The following NCOA7 variants were observed in gnomAD, a reference collection of about 807,000 sequenced individuals.
The protein encoded by NCOA7 is nuclear receptor coactivator 7.
In NCOA7, 45 loss-of-function variants were observed where a neutral mutation model predicts 104.3. The ratio of observed to expected loss-of-function variants is 0.43; its 90% CI spans 0.34 to 0.55. The LOEUF (loss-of-function observed/expected upper bound fraction) is 0.55. Ranked by LOEUF, NCOA7 falls within the 20% of genes least tolerant of loss-of-function variation. NCOA7 has a pLI of 0.02. For missense variants in NCOA7, 1,041 were observed against 1,119.7 expected (o/e 0.93, Z 1.00); for synonymous variants, 398 against 402.3 (o/e 0.99, Z 0.13).
chr6:125,925,703 T>G lies in NCOA7; in HGVS notation c.2524-1960T>G, dbSNP rs370793912. Among the ~76,000 whole-genome samples, 10 of 152,316 alleles carry G rather than the reference T, an allele frequency of 6.6e-5. No homozygotes were observed. The East Asian group carries it at 1.4e-3, about 21-fold the overall frequency. The stretch of plus-strand genomic sequence containing the variant: ...ATAATTTTATGTCTGCTAAGGAAGT[T>G]GAGAGAAGAAGAGCAAATGTACATT... On this transcript the variant is annotated intron_variant, in intron 13 of 15. Coordinates refer to ENST00000392477, the MANE Select transcript of NCOA7 (RefSeq NM_181782.5).
chr6:125,910,595 G>T (rs943617426), intron 10 of NCOA7, among the ~76,000 whole-genome samples: 16 of 152,232 alleles, frequency 1.1e-4, no homozygotes, highest in Admixed American at 1.0e-3. Context: ...AAGAGAGAGA[G>T]ATAGCTGGTG....
intron 1 of NCOA7, among the ~76,000 whole-genome samples, chr6:125,793,408 A>G (rs1314123849): frequency 6.6e-6 from 1 of 152,190 alleles, no homozygotes; most frequent in Non-Finnish European, 1.5e-5. Flanking sequence ...TGCTCAGTTT[A>G]ACTGCTATTA....
intron 10 of NCOA7, among the ~76,000 whole-genome samples, chr6:125,909,050 T>A (rs1328445144): frequency 6.6e-5 from 10 of 152,312 alleles, no homozygotes; most frequent in Admixed American, 5.2e-4. Context: ...TTTCCCAAAG[T>A]AGAGTAAAAT....
chr6:125,849,942 A>G (rs1246657083), intron 2 of NCOA7, among the ~76,000 whole-genome samples: 2 of 152,212 alleles, frequency 1.3e-5, no homozygotes, highest in Non-Finnish European at 2.9e-5. Flanking sequence ...TGAGGTCATG[A>G]AAAATGCTTA....
intron 2 of NCOA7, among the ~76,000 whole-genome samples, chr6:125,819,863 G>C (rs1778004009): frequency 6.6e-6 from 1 of 152,154 alleles, no homozygotes; most frequent in Admixed American, 6.5e-5. Flanking sequence ...TATGCCATTG[G>C]TTGAAGATTC....
At chr6:125,919,389 G>C (rs779492926) in intron 11 of NCOA7, 6 of 1,612,686 alleles carry the variant, frequency 3.7e-6, no homozygotes, top group Non-Finnish European at 5.1e-6. Flanking sequence ...TGGACATCCA[G>C]ATTTTCTATT....
Position 125,889,103 on chromosome 6 carries a change from C to T in NCOA7, c.1049C>T (p.Pro350Leu). Reference protein sequence around the residue: ...IMTSDSRPIVPLEKSTGHTPT... With the variant: ...IMTSDSRPIVLLEKSTGHTPT... ...ACTTCGGATTCCAGACCAATAGTAC[C>T]TTTGGAGAAGTCCACAGGACATACA... is the stretch of plus-strand genomic sequence containing the variant. Residue 350 changes from proline (P) to leucine (L), a missense_variant, in exon 9 of 16, where the codon CCT becomes CTT. Physicochemically the swap from Pro to Leu is moderately conservative, Grantham distance 98. Transcript: ENST00000392477. 6.2e-7 allele frequency: 1 copy of T among 1,614,064 alleles called. No individual in the cohort carries two copies. The highest frequency in any genetic ancestry group is 8.5e-7 in the Non-Finnish European group (1 of 1,179,976).
At chr6:125,915,203 T>TG in intron 10 of NCOA7, 130 bp from the exon 11 acceptor site, 7 of 1,138,970 alleles carry the variant, frequency 6.1e-6, no homozygotes, top group Non-Finnish European at 8.7e-6. Flanking sequence ...ACCTTGATAA[T>TG]GGGAAATTTT....
In NCOA7 at chr6:125,910,585, AAGAG is replaced by A. The variant is rs572673804; in HGVS notation, c.2097-4740_2097-4737del. Among the ~76,000 whole-genome samples the A allele has an allele frequency of 6.9e-4, 105 of 152,324 alleles. 2 individuals are homozygous for A. The South Asian group carries it at 7.9e-3, about 11-fold the overall frequency. On this transcript the variant is annotated intron_variant, in intron 10 of 15. Transcript: ENST00000392477. ...CACGGCAAAAATAGTTCAGTGGTTGAAGAGAGAGAGATAGCTGGTGGGAGGGTAA... is the reference window on the plus strand; with the variant it reads ...CACGGCAAAAATAGTTCAGTGGTTGAAGAGAGATAGCTGGTGGGAGGGTAA...
chr6:125,854,241 A>G (rs1699956299), intron 2 of NCOA7, among the ~76,000 whole-genome samples: 1 of 152,230 alleles, frequency 6.6e-6, no homozygotes, highest in African/African-American at 2.4e-5. Context: ...ATTCTCGACT[A>G]TCAAGTACAG....
chr6:125,848,786 C>T (rs773838096), intron 2 of NCOA7, among the ~76,000 whole-genome samples: 13 of 152,060 alleles, frequency 8.5e-5, no homozygotes, highest in Admixed American at 1.3e-4. Context: ...TACCCTAGGA[C>T]TTAAAGTATA....
chr6:125,916,971 A>C (rs1282743033), intron 11 of NCOA7, among the ~76,000 whole-genome samples: 5 of 152,244 alleles, frequency 3.3e-5, no homozygotes, highest in Non-Finnish European at 5.9e-5. Flanking sequence ...TGTTTCCTTC[A>C]TCATGTTGAA....
At chr6:125,923,875 A>G (rs1475570281) in intron 13 of NCOA7, among the ~76,000 whole-genome samples, 4 of 152,218 alleles carry the variant, frequency 2.6e-5, no homozygotes, top group Non-Finnish European at 4.4e-5. Flanking sequence ...CTTGGGAAAA[A>G]TTAGGGAACA....
At chr6:125,846,764 G>T (rs899858009) in intron 2 of NCOA7, among the ~76,000 whole-genome samples, 1 of 152,212 alleles carries the variant, frequency 6.6e-6, no homozygotes, top group African/African-American at 2.4e-5. Flanking sequence ...GTGAATTCCC[G>T]CTCCACAACT....
At chr6:125,833,000 TTTTC>T (rs932666491) in intron 2 of NCOA7, among the ~76,000 whole-genome samples, 1 of 152,230 alleles carries the variant, frequency 6.6e-6, no homozygotes, top group African/African-American at 2.4e-5. Flanking sequence ...TTCAGAATAG[TTTTC>T]TTTCTTGCAT....
intron 2 of NCOA7, among the ~76,000 whole-genome samples, chr6:125,849,330 A>C (rs1297126804): frequency 6.6e-6 from 1 of 152,216 alleles, no homozygotes; most frequent in Non-Finnish European, 1.5e-5. Flanking sequence ...AAAAGCCAAG[A>C]GATTCCAGAA....
At chr6:125,907,574 A>G (rs1786136097) in intron 10 of NCOA7, among the ~76,000 whole-genome samples, 1 of 152,174 alleles carries the variant, frequency 6.6e-6, no homozygotes, top group South Asian at 2.1e-4. Context: ...ACCTAAAGCC[A>G]AGGAAGTAGT....
chr6:125,830,586 G>T (rs934178188), intron 2 of NCOA7, among the ~76,000 whole-genome samples: 1 of 152,012 alleles, frequency 6.6e-6, no homozygotes, highest in African/African-American at 2.4e-5. Flanking sequence ...GTTACTGGCA[G>T]GGGCCTAGGG....
intron 11 of NCOA7, chr6:125,919,496 G>A (rs1489638370): frequency 6.7e-7 from 1 of 1,486,036 alleles, no homozygotes; most frequent in South Asian, 1.1e-5. Context: ...GTACCTCCGA[G>A]TTTCTTTTGA....
Sources: gnomAD v4.1 joint callset for allele counts (sites outside exome capture counted in the v4.1 genomes callset) on GRCh38, gnomAD v4.1.1 for gene constraint, MANE v1.5 for transcripts, NCBI Gene and HGNC (gene_info 2026-07-23, HGNC 2026-07-21) for gene names.